SCNN1G: variants seen among roughly 807,000 people sequenced by gnomAD.
The protein encoded by SCNN1G is sodium channel epithelial 1 subunit gamma.
In SCNN1G, 27 loss-of-function variants were observed where a neutral mutation model predicts 64.6. That is an observed-to-expected ratio of 0.42 (90% CI 0.31 to 0.58). The LOEUF is 0.58. Ranked by LOEUF, SCNN1G falls within the 20% of genes least tolerant of loss-of-function variation. SCNN1G has a pLI of 0.18. For synonymous variants in SCNN1G, 330 were observed against 314.2 expected (o/e 1.05, Z -0.53); for missense variants, 743 against 823.4 (o/e 0.90, Z 1.19).
chr16:23,194,617 G>A (rs1959766227), intron 5 of SCNN1G, among the ~76,000 whole-genome samples: 1 of 152,206 alleles, frequency 6.6e-6, no homozygotes, highest in Admixed American at 6.5e-5. Context: ...GCCCAGATAT[G>A]CTGAACAGAT....
At chr16:23,201,175 G>A (rs1464864756) in intron 6 of SCNN1G, among the ~76,000 whole-genome samples, 1 of 152,186 alleles carries the variant, frequency 6.6e-6, no homozygotes, top group Non-Finnish European at 1.5e-5. Flanking sequence ...GAGCACAATG[G>A]TGAGCATTTT....
chr16:23,186,233 C>G lies in SCNN1G; in HGVS notation c.-39C>G. 6.2e-7 allele frequency: 1 copy of G among 1,608,096 alleles called. No homozygotes were observed. Among genetic ancestry groups the G allele is most frequent in the Admixed American group, 1.7e-5 (1 of 60,004 alleles). ...TCTCTTCTTTGCCCCTCCAGCACGC[C>G]CGTCCTCAGAGTCCCGTCCTCAAAG... On this transcript the variant is annotated 5_prime_UTR_variant, in exon 2 of 13. Transcript: ENST00000300061.
chr16:23,204,893 G>A (rs557336597), intron 6 of SCNN1G, among the ~76,000 whole-genome samples: 8 of 152,026 alleles, frequency 5.3e-5, no homozygotes, highest in South Asian at 2.1e-4. Context: ...GCTTACTGCC[G>A]CTCTGACCTC....
chr16:23,189,323 G>T, intron 2 of SCNN1G, 48 bp from the exon 3 acceptor site: 1 of 1,593,268 alleles, frequency 6.3e-7, no homozygotes, highest in South Asian at 1.1e-5. Context: ...CCAGAGTTCT[G>T]CCAGGGCCGC....
At chr16:23,208,340 C>T (rs1326476441) in intron 6 of SCNN1G, among the ~76,000 whole-genome samples, 1 of 151,890 alleles carries the variant, frequency 6.6e-6, no homozygotes, top group African/African-American at 2.4e-5. Context: ...GAGTGAGACC[C>T]TCATCTCTAA....
At chr16:23,196,749 A>C (rs1391706166) in intron 5 of SCNN1G, among the ~76,000 whole-genome samples, 1 of 152,154 alleles carries the variant, frequency 6.6e-6, no homozygotes. Context: ...CTTAGTTCCC[A>C]TGTGCACTGA....
In SCNN1G at chr16:23,216,832, G is replaced by C. The variant is rs1439160414; in HGVS notation, c.*1363G>C. 6.6e-6 allele frequency: 1 copy of C among 152,168 alleles called. No homozygotes were observed. Among genetic ancestry groups the C allele is most frequent in the Non-Finnish European group, 1.5e-5 (1 of 68,034 alleles). The allele number at this position is 152,168 out of a possible 1,614,324, so 9.4% of individuals were successfully genotyped here. On this transcript the variant is annotated 3_prime_UTR_variant, in exon 13 of 13. Coordinates refer to ENST00000300061, the MANE Select transcript of SCNN1G (RefSeq NM_001039.4). The stretch of plus-strand genomic sequence containing the variant: ...ATTCTGTGACTCATGAAAATGATAT[G>C]AGATTCGAATTCCAGTGTCTATAAA...
rs201541961 is a variant in SCNN1G at position 23,215,454 on chromosome 16, G to T, written c.1935G>T (p.Met645Ile). 5.5e-5 allele frequency: 89 copies of T among 1,610,592 alleles called. No individual in the cohort carries two copies. Among genetic ancestry groups the T allele is most frequent in the Non-Finnish European group, 7.6e-6 (9 of 1,180,036 alleles). The change falls in exon 13 of 13, where the codon ATG becomes ATT. Residue 645 changes from methionine to isoleucine, a missense_variant. Physicochemically the swap from Met to Ile is conservative, Grantham distance 10 (BLOSUM62 1). Transcript: ENST00000300061. ...AFSNQLTDTQ[M>I]LDEL ...CCAACCAGCTCACAGATACCCAGATGCTGGATGAGCTCTGAGGCAGGGTTG... is the reference window on the plus strand; with the variant it reads ...CCAACCAGCTCACAGATACCCAGATTCTGGATGAGCTCTGAGGCAGGGTTG...
At chr16:23,190,077 A>AAG (rs397730293) in intron 3 of SCNN1G, among the ~76,000 whole-genome samples, 2 of 150,912 alleles carry the variant, frequency 1.3e-5, no homozygotes, top group East Asian at 1.9e-4. Flanking sequence ...TAAAAAAAAA[A>AAG]GGGGAGAGTT....
chr16:23,200,855 T>C (rs1959877037), intron 6 of SCNN1G, among the ~76,000 whole-genome samples: 1 of 152,176 alleles, frequency 6.6e-6, no homozygotes, highest in Non-Finnish European at 1.5e-5. Context: ...AATGGAAGTA[T>C]GACAGATGAA....
chr16:23,204,320 TATATATATATATATAGAGAG>T (rs1435852491), intron 6 of SCNN1G, among the ~76,000 whole-genome samples: 5 of 80,102 alleles, frequency 6.2e-5, no homozygotes, highest in African/African-American at 2.4e-4. Flanking sequence ...TATATATATA[TATATATATATATATAGAGAG>T]AGAGAGAGAG....
chr16:23,199,455 A>G (rs1012845061), intron 6 of SCNN1G, among the ~76,000 whole-genome samples: 2 of 152,104 alleles, frequency 1.3e-5, no homozygotes, highest in African/African-American at 2.4e-5. Flanking sequence ...AAGTTTGTCA[A>G]ACAGGACATG....
Position 23,197,370 on chromosome 16 carries a change from C to G in SCNN1G, c.1020C>G (p.Val340=), listed in dbSNP as rs759795434. The change falls in exon 6 of 13, where the codon GTC becomes GTG. Residue 340 remains valine (V), a synonymous_variant. Coordinates refer to ENST00000300061, the MANE Select transcript of SCNN1G (RefSeq NM_001039.4). ...ATCGGCAGGATGAGTATCCCTTCGT[C>G]GAAGATGTGGGAACAGAGATTGAGA... ...IIHRQDEYPF[V]EDVGTEIETA... is the part of the protein sequence containing the mutation. The G allele has an allele frequency of 1.9e-6, 3 of 1,613,838 alleles. No homozygotes were observed. Among genetic ancestry groups the G allele is most frequent in the Admixed American group, 3.3e-5 (2 of 60,002 alleles).
chr16:23,200,257 CT>C (rs1295149270), intron 6 of SCNN1G, among the ~76,000 whole-genome samples: 1 of 152,024 alleles, frequency 6.6e-6, no homozygotes, highest in Non-Finnish European at 1.5e-5. Flanking sequence ...CCTTGGGAGT[CT>C]TGGCTTGACC....
chr16:23,206,718 G>A (rs1959996808), intron 6 of SCNN1G, among the ~76,000 whole-genome samples: 1 of 152,034 alleles, frequency 6.6e-6, no homozygotes, highest in South Asian at 2.1e-4. Context: ...AATGGGCTCC[G>A]TGTCCCACAC....
intron 6 of SCNN1G, among the ~76,000 whole-genome samples, chr16:23,201,168 C>A (rs565977995): frequency 1.3e-5 from 2 of 152,314 alleles, no homozygotes; most frequent in East Asian, 3.9e-4. Context: ...AACCTCAGAG[C>A]ACAATGGTGA....
rs570532852 is a variant in SCNN1G at position 23,215,472 on chromosome 16, C to A, written c.*3C>A. On this transcript the variant is annotated 3_prime_UTR_variant, in exon 13 of 13. Transcript: ENST00000300061. ...CCCAGATGCTGGATGAGCTCTGAGGCAGGGTTGAGAAGACAGATCTAGTCA... is the reference window on the plus strand; with the variant it reads ...CCCAGATGCTGGATGAGCTCTGAGGAAGGGTTGAGAAGACAGATCTAGTCA... 8 of 1,607,088 alleles carry A rather than the reference C, an allele frequency of 5.0e-6. No homozygotes were observed. In the South Asian group the frequency reaches 8.8e-5, roughly 18 times the overall value.
At chr16:23,187,536 T>G (rs1959632915) in intron 2 of SCNN1G, among the ~76,000 whole-genome samples, 1 of 152,088 alleles carries the variant, frequency 6.6e-6, no homozygotes, top group African/African-American at 2.4e-5. Context: ...CAAGCCCAAA[T>G]TAGCCAACCC....
chr16:23,201,769 C>T (rs1484926684), intron 6 of SCNN1G, among the ~76,000 whole-genome samples: 1 of 152,198 alleles, frequency 6.6e-6, no homozygotes, highest in Non-Finnish European at 1.5e-5. Context: ...CCCAACAGAG[C>T]TCCTACCTTC....
Sources: gnomAD v4.1 joint callset for allele counts (sites outside exome capture counted in the v4.1 genomes callset) on GRCh38, gnomAD v4.1.1 for gene constraint, MANE v1.5 for transcripts, NCBI Gene and HGNC (gene_info 2026-07-23, HGNC 2026-07-21) for gene names.